Variants in TNNT1 observed in about 807,000 individuals in gnomAD.
TNNT1 encodes the protein troponin T, slow skeletal muscle.
TNNT1 carries 53 observed loss-of-function variants against 50.6 expected under a neutral mutation model. That is an observed-to-expected ratio of 1.05 (90% CI 0.84 to 1.32). TNNT1 has a LOEUF of 1.32. TNNT1 is among the 40% of genes most tolerant of loss of function. The probability of loss-of-function intolerance (pLI) is 0.00; values close to 1 mark genes in which losing one functional copy is unlikely to be tolerated. For synonymous variants in TNNT1, 142 were observed against 138.0 expected (o/e 1.03, Z -0.20); for missense variants, 348 against 381.7 (o/e 0.91, Z 0.74).
intron 11 of TNNT1, among the ~76,000 whole-genome samples, chr19:55,135,253 T>C (rs2085326919): frequency 6.6e-6 from 1 of 152,184 alleles, no homozygotes; most frequent in African/African-American, 2.4e-5. Flanking sequence ...CTAGCAGCTA[T>C]ATTGGACTAA....
chr19:55,133,003 A>G, intron 13 of TNNT1, 43 bp from the exon 14 acceptor site: 1 of 1,546,034 alleles, frequency 6.5e-7, no homozygotes, highest in Non-Finnish European at 8.8e-7. Flanking sequence ...GGGCCCCTCC[A>G]GTCTCTGAAA....
chr19:55,133,356 A>G (rs2085281402), intron 13 of TNNT1, among the ~76,000 whole-genome samples: 1 of 151,374 alleles, frequency 6.6e-6, no homozygotes, highest in African/African-American at 2.4e-5. Context: ...GGAGGAAGGA[A>G]GAGGGAGTGG....
Position 55,137,457 on chromosome 19 carries a change from G to A in TNNT1, c.502-245C>T, listed in dbSNP as rs538608953. 4.5e-4 allele frequency among the ~76,000 whole-genome samples: 62 copies of A among 138,944 alleles called. 1 individual carries two copies. Among genetic ancestry groups the A allele is most frequent in the Non-Finnish European group, 8.0e-4 (52 of 64,680 alleles). The allele number at this position is 138,944 out of a possible 152,430, so 91.2% of individuals were successfully genotyped here. On this transcript the variant is annotated intron_variant, in intron 10 of 13. Coordinates refer to ENST00000588981, the MANE Select transcript of TNNT1 (RefSeq NM_003283.6). Reference sequence around the variant, plus strand: ...CCAAGCCCCAGACCCTCTCGCATTAGGAACCAGAAGTCTGGCCCCCAGCCC... The same window carrying A: ...CCAAGCCCCAGACCCTCTCGCATTAAGAACCAGAAGTCTGGCCCCCAGCCC...
In TNNT1 at chr19:55,136,080, C is replaced by T. The variant is rs564884532; in HGVS notation, c.611+1023G>A. Among the ~76,000 whole-genome samples the T allele has an allele frequency of 1.4e-4, 22 of 152,286 alleles. No homozygotes were observed. In the South Asian group the frequency reaches 4.2e-3, roughly 29 times the overall value. ...CTTTACAGCACACTAGCAAAGAGTA[C>T]GGACTATTGCACCAGACTGCCGGGT... On this transcript the variant is annotated intron_variant, in intron 11 of 13. Coordinates refer to ENST00000588981, the MANE Select transcript of TNNT1 (RefSeq NM_003283.6).
chr19:55,140,122 GA>G (rs562320891), intron 9 of TNNT1, among the ~76,000 whole-genome samples: 165 of 119,250 alleles, frequency 1.4e-3, no homozygotes, highest in East Asian at 6.8e-3. Flanking sequence ...GACTGTCTCA[GA>G]AAAAAAAAAA....
At position 55,133,876 on chromosome 19, in the gene TNNT1, G is replaced by A. The variant is rs1237847440; in HGVS notation, c.791+11C>T. 1.2e-6 allele frequency: 2 copies of A among 1,613,834 alleles called. No homozygotes were observed. The highest frequency in any genetic ancestry group is 1.7e-6 in the Non-Finnish European group (2 of 1,180,008). ...GGGACAAGAGCAAGGGCTTGAGACGGTCACACTCACAACTTCTGGGCGTGG... is the reference window on the plus strand; with the variant it reads ...GGGACAAGAGCAAGGGCTTGAGACGATCACACTCACAACTTCTGGGCGTGG... On this transcript the variant is annotated intron_variant, in intron 13 of 13. Coordinates refer to ENST00000588981, the MANE Select transcript of TNNT1 (RefSeq NM_003283.6).
intron 6 of TNNT1, 162 bp downstream of exon 6, chr19:55,145,381 AG>A: frequency 1.5e-6 from 1 of 650,670 alleles, no homozygotes; most frequent in Admixed American, 2.3e-5. Context: ...GAGGGAGAGG[AG>A]GGAGGAGGGA....
chr19:55,145,997 C>G (rs1351721920), intron 5 of TNNT1, among the ~76,000 whole-genome samples: 4 of 149,424 alleles, frequency 2.7e-5, no homozygotes, highest in East Asian at 3.9e-4. Flanking sequence ...ACCGCCCCCC[C>G]GCCCCCGGCC....
rs1384196096 is a variant in TNNT1 at position 55,132,923 on chromosome 19, AGCGGCCTCCAAC to A, written c.817_828del (p.Val273_Arg276del). 2 of 1,603,276 alleles carry A rather than the reference AGCGGCCTCCAAC, an allele frequency of 1.2e-6. No individual in the cohort carries two copies. Among genetic ancestry groups the A allele is most frequent in the African/African-American group, 1.3e-5 (1 of 74,856 alleles). On this transcript the variant is annotated inframe_deletion, in exon 14 of 14. Transcript: ENST00000588981. ...TGTCCGGGGCGGCATCCTCACTTCC[AGCGGCCTCCAAC>A]GCGGCCCTTCCCTGCCCCCTTCCGG... is the stretch of plus-strand genomic sequence containing the variant.
chr19:55,146,892 G>C (rs931964356), intron 3 of TNNT1, 116 bp downstream of exon 3: 4 of 1,362,726 alleles, frequency 2.9e-6, no homozygotes, highest in Non-Finnish European at 3.0e-6. Context: ...GAGGGCGGGC[G>C]AGGGCCCGAG....
rs61218574 is a variant in TNNT1, at chr19:55,140,603, C to A, written c.387+280G>T. On this transcript the variant is annotated intron_variant, in intron 9 of 13. Coordinates refer to ENST00000588981, the MANE Select transcript of TNNT1 (RefSeq NM_003283.6). The stretch of plus-strand genomic sequence containing the variant: ...ACCATCCTGGCCAACATGGTGACAC[C>A]CCATCTCTACTAAAAATACAAAATT... 638 of 176,332 alleles carry A rather than the reference C, an allele frequency of 3.6e-3. 9 individuals are homozygous for A. Among genetic ancestry groups the A allele is most frequent in the African/African-American group, 0.014 (588 of 42,868 alleles). The allele number at this position is 176,332 out of a possible 1,614,324, so 10.9% of individuals were successfully genotyped here. A position where few individuals can be genotyped will look rare whatever the true frequency, so the allele number is the denominator to read the frequency against.
chr19:55,138,227 T>C (rs1398319142), intron 9 of TNNT1, among the ~76,000 whole-genome samples, 153 bp from the exon 10 acceptor site: 1 of 150,506 alleles, frequency 6.6e-6, no homozygotes, highest in African/African-American at 2.5e-5. Context: ...GGGTACCCAC[T>C]CCCGGCCCTG....
In TNNT1 at chr19:55,140,312, A is replaced by T. The variant is rs543279433; in HGVS notation, c.387+571T>A. Among the ~76,000 whole-genome samples, 143 of 151,788 alleles carry T rather than the reference A, an allele frequency of 9.4e-4. 1 individual carries two copies. Among genetic ancestry groups the T allele is most frequent in the Non-Finnish European group, 1.1e-3 (78 of 67,920 alleles). On this transcript the variant is annotated intron_variant, in intron 9 of 13. Transcript: ENST00000588981. ...CTGTCTCTACAAAAAATAAAAAAATAAAAAAAACTAGTGGGGCAGAGTGGC... is the reference window on the plus strand; with the variant it reads ...CTGTCTCTACAAAAAATAAAAAAATTAAAAAAACTAGTGGGGCAGAGTGGC...
chr19:55,146,542 G>A lies in TNNT1; in HGVS notation c.74-76C>T, dbSNP rs1231336954. 4 of 1,132,762 alleles carry A rather than the reference G, an allele frequency of 3.5e-6. No individual in the cohort carries two copies. The African/African-American group carries it at 4.8e-5, about 14-fold the overall frequency. 70.2% of individuals were successfully genotyped at this position (1,132,762 alleles called of 1,614,324 possible). A position where few individuals can be genotyped will look rare whatever the true frequency, so the allele number is the denominator to read the frequency against. On this transcript the variant is annotated intron_variant, in intron 4 of 13. Transcript: ENST00000588981. The stretch of plus-strand genomic sequence containing the variant: ...GGCCACGCCCGGGCGCGGGAGGGGA[G>A]AGAGGGAAGAGACGTGAGAGGCTGT...
chr19:55,138,413 G>C (rs533390078), intron 9 of TNNT1, among the ~76,000 whole-genome samples: 4 of 152,208 alleles, frequency 2.6e-5, no homozygotes, highest in Admixed American at 2.0e-4. Context: ...GAGTAGCTGG[G>C]ATTACAGGCA....
At chr19:55,145,432 G>A in intron 6 of TNNT1, 112 bp downstream of exon 6, 1 of 965,272 alleles carries the variant, frequency 1.0e-6, no homozygotes, top group East Asian at 2.6e-5. Flanking sequence ...AATGTCGACT[G>A]CTGTTTCAAT....
At chr19:55,146,499 G>T in intron 4 of TNNT1, 33 bp from the exon 5 acceptor site, 1 of 1,296,190 alleles carries the variant, frequency 7.7e-7, no homozygotes, top group Non-Finnish European at 1.0e-6. Flanking sequence ...GCGAGGGTTT[G>T]GGGAGCGAGG....
intron 13 of TNNT1, chr19:55,133,558 A>G (rs909483349): frequency 4.6e-6 from 2 of 433,826 alleles, no homozygotes; most frequent in South Asian, 2.4e-5. Context: ...CGCACCTGTA[A>G]TCCCAGCTAC....
intron 13 of TNNT1, among the ~76,000 whole-genome samples, 180 bp from the exon 14 acceptor site, chr19:55,133,140 G>A (rs1407713148): frequency 6.6e-6 from 1 of 152,118 alleles, no homozygotes; most frequent in Non-Finnish European, 1.5e-5. Context: ...AGCGGCTGGT[G>A]GTCAAAGCCT....
Sources: gnomAD v4.1 joint callset for allele counts (sites outside exome capture counted in the v4.1 genomes callset) on GRCh38, gnomAD v4.1.1 for gene constraint, MANE v1.5 for transcripts, NCBI Gene and HGNC (gene_info 2026-07-23, HGNC 2026-07-21) for gene names.